NOX5: variants seen among roughly 807,000 people sequenced by gnomAD.
NOX5 encodes the protein NADPH oxidase, EF-hand calcium binding domain 5.
A neutral mutation model predicts 85.7 loss-of-function variants in NOX5; 76 were observed. The ratio of observed to expected loss-of-function variants is 0.89; its 90% confidence interval spans 0.74 to 1.07. The LOEUF (loss-of-function observed/expected upper bound fraction) is 1.07. Ranked by LOEUF, NOX5 falls within the 50% of genes least tolerant of loss-of-function variation. The pLI is 0.00. For missense variants in NOX5, 973 were observed against 999.5 expected, an observed-to-expected ratio of 0.97 and a Z score of 0.36; for synonymous variants, 405 against 401.4, an observed-to-expected ratio of 1.01 and a Z score of -0.11.
At position 69,033,081 on chromosome 15, in the gene NOX5, G is replaced by A. The variant is rs746885049; in HGVS notation, c.659G>A (p.Arg220His). 5.8e-6 allele frequency: 9 copies of A among 1,548,046 alleles called. No individual in the cohort carries two copies. The highest frequency in any genetic ancestry group is 7.8e-6 in the Non-Finnish European group (9 of 1,156,820). The change falls in exon 5 of 16, where the codon CGC becomes CAC. Residue 220 changes from arginine (R) to histidine (H), a missense_variant. Coordinates refer to ENST00000388866, the MANE Select transcript of NOX5 (RefSeq NM_024505.4). ...HWLTAPAPRP[R>H]PRRPRQLTRA... is the part of the protein sequence containing the mutation. ...CTGACGGCCCCCGCCCCCCGCCCAC[G>A]CCCGCGCCGGCCGCGCCAGCTGACC...
In NOX5 at chr15:69,035,477, G is replaced by A. The variant is rs773690064; in HGVS notation, c.979G>A (p.Val327Met). The change falls in exon 6 of 16, where the codon GTG becomes ATG. Residue 327 changes from valine (V) to methionine (M), a missense_variant. Val to Met is a conservative substitution (Grantham distance 21). Transcript: ENST00000388866. ...MGYVVVGLSL[V>M]HTVAHTVNFV... ...CTACGTGGTAGTGGGGCTGTCCCTC[G>A]TGCACACCGTGGCTCACACTGTGAA... The A allele has an allele frequency of 3.7e-6, 6 of 1,614,160 alleles. No homozygotes were observed. Among genetic ancestry groups the A allele is most frequent in the South Asian group, 3.3e-5 (3 of 91,066 alleles).
At chr15:69,030,057 T>A (rs985241729) in intron 3 of NOX5, 40 of 152,242 alleles carry the variant, frequency 2.6e-4, no homozygotes, top group Admixed American at 2.4e-3. Flanking sequence ...TCATTTTTAG[T>A]GGCTGCATTA....
intron 3 of NOX5, chr15:69,031,154 T>G (rs961181442): frequency 2.7e-5 from 7 of 258,626 alleles, no homozygotes; most frequent in Non-Finnish European, 5.1e-5. Flanking sequence ...TGCTCCAAGT[T>G]GAACAACAAG....
chr15:69,035,840 C>T lies in NOX5; in HGVS notation c.1092C>T (p.His364=), dbSNP rs143898169. The stretch of plus-strand genomic sequence containing the variant: ...CGAGGCCTGGCATTGGCTGGGTACA[C>T]GGTTCGGCCTCCCCGACAGGTGTCG... ...LTTRPGIGWV[H]GSASPTGVAL... is the part of the protein sequence containing the mutation. The change falls in exon 7 of 16, where the codon CAC becomes CAT. Residue 364 remains histidine, a synonymous_variant. Coordinates refer to ENST00000388866, the MANE Select transcript of NOX5 (RefSeq NM_024505.4). The T allele has an allele frequency of 2.3e-4, 366 of 1,614,184 alleles. 2 individuals are homozygous for T. The East Asian group carries it at 6.4e-3, about 28-fold the overall frequency.
At chr15:69,025,358 C>T (rs1367093669) in intron 1 of NOX5, among the ~76,000 whole-genome samples, 1 of 152,100 alleles carries the variant, frequency 6.6e-6, no homozygotes, top group South Asian at 2.1e-4. Flanking sequence ...GGTTGGGAGC[C>T]GTTTTAAACA....
chr15:69,051,742 TG>T (rs980919285), intron 14 of NOX5, among the ~76,000 whole-genome samples: 1 of 152,084 alleles, frequency 6.6e-6, no homozygotes, highest in African/African-American at 2.4e-5. Flanking sequence ...TATATATTTA[TG>T]GGGGGTGAGT....
In NOX5 at chr15:69,035,602, A is replaced by C; in HGVS notation, c.1009+95A>C. The C allele has an allele frequency of 2.6e-6, 4 of 1,548,686 alleles. No homozygotes were observed. In the South Asian group the frequency reaches 5.0e-5, roughly 19 times the overall value. ...AGCCCCTGTGTGTACTGCCTGCCCA[A>C]AGGGCAGAGAAGGGGTGCCCTGGAT... On this transcript the variant is annotated intron_variant, in intron 6 of 15. Transcript: ENST00000388866.
intron 10 of NOX5, among the ~76,000 whole-genome samples, chr15:69,045,790 T>C (rs2050666141): frequency 6.6e-6 from 1 of 152,034 alleles, no homozygotes; most frequent in African/African-American, 2.4e-5. Flanking sequence ...AATGGAAGGC[T>C]TTCTCGTTGC....
chr15:69,049,181 G>T, intron 14 of NOX5, 123 bp downstream of exon 14: 3 of 476,958 alleles, frequency 6.3e-6, no homozygotes, highest in African/African-American at 2.0e-5. Context: ...CCATTAAAGT[G>T]AACCCAGAGT....
In NOX5 at chr15:69,061,497, T is replaced by C. The variant is rs1156529457; in HGVS notation, c.*4801T>C. On this transcript the variant is annotated 3_prime_UTR_variant, in exon 16 of 16. Coordinates refer to ENST00000388866, the MANE Select transcript of NOX5 (RefSeq NM_024505.4). ...GGGCACACTGTCTGTGCTAAACAAA[T>C]ACTCATATTAACCAGCCTTCCTGAC... is the stretch of plus-strand genomic sequence containing the variant. 6.6e-6 allele frequency: 1 copy of C among 152,268 alleles called. No individual in the cohort carries two copies. The highest frequency in any genetic ancestry group is 1.5e-5 in the Non-Finnish European group (1 of 68,046). 9.4% of individuals were successfully genotyped at this position (152,268 alleles called of 1,614,324 possible).
chr15:69,026,727 G>A (rs2050363247), intron 2 of NOX5, 76 bp downstream of exon 2: 1 of 1,597,220 alleles, frequency 6.3e-7, no homozygotes, highest in Admixed American at 1.7e-5. Flanking sequence ...CCCTTACAGG[G>A]AGGGAAAGGG....
At position 69,037,017 on chromosome 15, in the gene NOX5, T is replaced by C. The variant is rs1425608906; in HGVS notation, c.1189-11T>C. ...AGCTCTGGAAGTTGACTGCCCCCCC[T>C]ACCCCCATAGGTGTTCTATTGGACT... On this transcript the variant is annotated splice_polypyrimidine_tract_variant and intron_variant, in intron 7 of 15. Transcript: ENST00000388866. 1.2e-6 allele frequency: 2 copies of C among 1,610,574 alleles called. No individual in the cohort carries two copies. Among genetic ancestry groups the C allele is most frequent in the African/African-American group, 1.3e-5 (1 of 74,878 alleles).
intron 6 of NOX5, 30 bp from the exon 7 acceptor site, chr15:69,035,728 G>T (rs1266598151): frequency 1.2e-6 from 2 of 1,606,288 alleles, no homozygotes; most frequent in South Asian, 2.2e-5. Context: ...TGGTCTTGCA[G>T]TCACTCAACC....
chr15:69,031,633 C>A lies in NOX5; in HGVS notation c.441C>A (p.Arg147=). Reference sequence around the variant, plus strand: ...GCTCCATTGACCCGGATGAGCTGCGCACTGTGCTGCAGTCGTGTCTGCGCG... The same window carrying A: ...GCTCCATTGACCCGGATGAGCTGCGAACTGTGCTGCAGTCGTGTCTGCGCG... ...GSGSIDPDEL[R]TVLQSCLRES... The change falls in exon 4 of 16, where the codon CGC becomes CGA. Residue 147 remains arginine (R), a synonymous_variant. Coordinates refer to ENST00000388866, the MANE Select transcript of NOX5 (RefSeq NM_024505.4). The A allele has an allele frequency of 6.8e-6, 11 of 1,613,414 alleles. No homozygotes were observed. The highest frequency in any genetic ancestry group is 9.3e-6 in the Non-Finnish European group (11 of 1,180,020).
intron 1 of NOX5, among the ~76,000 whole-genome samples, chr15:69,022,024 G>A (rs1213152206): frequency 6.6e-6 from 1 of 152,202 alleles, no homozygotes; most frequent in African/African-American, 2.4e-5. Context: ...TTAAGTGGAA[G>A]CTGCTTCTTT....
At chr15:69,047,642 C>T (rs748450228) in intron 12 of NOX5, 105 bp downstream of exon 12, 47 of 1,426,316 alleles carry the variant, frequency 3.3e-5, no homozygotes, top group Non-Finnish European at 4.5e-5. Context: ...TTTCACCTGT[C>T]TCTCTCTGCT....
At chr15:69,052,049 A>G (rs2050755987) in intron 14 of NOX5, among the ~76,000 whole-genome samples, 1 of 152,088 alleles carries the variant, frequency 6.6e-6, no homozygotes, top group Non-Finnish European at 1.5e-5. Context: ...CTGTCTCTAC[A>G]AAAAATGTTT....
In NOX5 at chr15:69,048,989, C is replaced by A. The variant is rs147362304; in HGVS notation, c.1930C>A (p.Arg644=). 7.4e-6 allele frequency: 12 copies of A among 1,612,588 alleles called. No homozygotes were observed. The highest frequency in any genetic ancestry group is 4.5e-5 in the East Asian group (2 of 44,868). ...CTTTATCTGGATCAACAGAGACCAG[C>A]GGTCTTTCGAGTGGTTTGTGAGCCT... ...VDFIWINRDQ[R]SFEWFVSLLT... The change falls in exon 14 of 16, where the codon CGG becomes AGG. Residue 644 remains arginine (R), a synonymous_variant. Coordinates refer to ENST00000388866, the MANE Select transcript of NOX5 (RefSeq NM_024505.4).
intron 8 of NOX5, chr15:69,038,188 A>C (rs1429825814): frequency 1.3e-5 from 2 of 152,652 alleles, no homozygotes; most frequent in African/African-American, 4.8e-5. Context: ...AAAGGAAGGC[A>C]GTTCTAGGCG....
Sources: gnomAD v4.1 joint callset for allele counts (sites outside exome capture counted in the v4.1 genomes callset) on GRCh38, gnomAD v4.1.1 for gene constraint, MANE v1.5 for transcripts, NCBI Gene and HGNC (gene_info 2026-07-23, HGNC 2026-07-21) for gene names.